KIF20B: variants seen among roughly 807,000 people sequenced by gnomAD.
KIF20B encodes the protein kinesin family member 20B, also known as kinesin-like protein KIF20B.
Under a neutral mutation model 232.5 loss-of-function variants are expected in KIF20B, and 188 were observed. The ratio of observed to expected loss-of-function variants is 0.81; its 90% CI spans 0.72 to 0.91. The LOEUF is 0.91. KIF20B is among the 40% of genes least tolerant of loss of function. The pLI, the probability that KIF20B is intolerant of heterozygous loss-of-function variation, is 0.00. For missense variants in KIF20B, 2,154 were observed against 2,055.9 expected, an observed-to-expected ratio of 1.05 and a Z score of -0.92; for synonymous variants, 712 against 683.0, an observed-to-expected ratio of 1.04 and a Z score of -0.66.
chr10:89,741,856 A>C (rs546489007), intron 21 of KIF20B, among the ~76,000 whole-genome samples: 1 of 152,170 alleles, frequency 6.6e-6, no homozygotes. Context: ...AGTGCTACCT[A>C]TTAATCACTT....
chr10:89,765,806 C>T (rs557702265), intron 29 of KIF20B, among the ~76,000 whole-genome samples: 1 of 152,222 alleles, frequency 6.6e-6, no homozygotes, highest in South Asian at 2.1e-4. Context: ...AAATTCTTTT[C>T]TTTAAGAATG....
At position 89,709,388 on chromosome 10, in the gene KIF20B, A is replaced by G. The variant is rs200362702; in HGVS notation, c.278A>G (p.Glu93Gly). 124 of 1,613,522 alleles carry G rather than the reference A, an allele frequency of 7.7e-5. No individual in the cohort carries two copies. The Admixed American group carries it at 2.1e-3, about 27-fold the overall frequency. ...ILDSQTVVLK[E>G]PQCILGRLSE... is the part of the protein sequence containing the mutation. ...GATTCACAGACTGTTGTGCTGAAAG[A>G]GCCTCAATGCATCCTTGGTCGGTTA... is the stretch of plus-strand genomic sequence containing the variant. The change falls in exon 4 of 33, where the codon GAG becomes GGG. Residue 93 changes from glutamate to glycine, a missense_variant. Coordinates refer to ENST00000371728, the MANE Select transcript of KIF20B (RefSeq NM_001284259.2).
At chr10:89,733,226 A>G in intron 19 of KIF20B, 170 bp downstream of exon 19, 1 of 600,734 alleles carries the variant, frequency 1.7e-6, no homozygotes, top group Non-Finnish European at 2.9e-6. Context: ...GGATGGGCAT[A>G]GTTAAAGCTT....
At position 89,738,224 on chromosome 10, in the gene KIF20B, T is replaced by G. The variant is rs1046481107; in HGVS notation, c.3383T>G (p.Leu1128Trp). The change falls in exon 20 of 33, where the codon TTG (leucine) becomes TGG (tryptophan). Residue 1128 changes from leucine to tryptophan, a missense_variant. Transcript: ENST00000371728. ...CTTATACAGCAGCTGAAAGAAGAATTGCAAGAAAAAAATGTTACTCTTGAT... is the reference window on the plus strand; with the variant it reads ...CTTATACAGCAGCTGAAAGAAGAATGGCAAGAAAAAAATGTTACTCTTGAT... ...ETLIQQLKEE[L>W]QEKNVTLDVQ... 21 of 1,600,940 alleles carry G rather than the reference T, an allele frequency of 1.3e-5. No individual in the cohort carries two copies. The highest frequency in any genetic ancestry group is 1.7e-5 in the Non-Finnish European group (20 of 1,177,216).
intron 19 of KIF20B, among the ~76,000 whole-genome samples, chr10:89,734,483 T>A (rs1285264763): frequency 6.6e-6 from 1 of 152,216 alleles, no homozygotes; most frequent in Admixed American, 6.5e-5. Flanking sequence ...ATAAGTTTTT[T>A]CTTCTCCACA....
rs985243153 is a variant in KIF20B at position 89,717,466 on chromosome 10, T to G, written c.1095T>G (p.Ser365=). 5.6e-6 allele frequency: 9 copies of G among 1,597,212 alleles called. No individual in the cohort carries two copies. The highest frequency in any genetic ancestry group is 7.7e-6 in the Non-Finnish European group (9 of 1,167,228). The change falls in exon 10 of 33, where the codon TCT becomes TCG. Residue 365 remains serine (S), a synonymous_variant. Coordinates refer to ENST00000371728, the MANE Select transcript of KIF20B (RefSeq NM_001284259.2). ...TTAAAATATTACAGATTGAAGATTC[T>G]GAAATGTCTCGTGTAATTCGAGTCA... ...FTVKILQIED[S]EMSRVIRVSE...
At chr10:89,736,781 T>C (rs1841663227) in intron 19 of KIF20B, among the ~76,000 whole-genome samples, 1 of 152,140 alleles carries the variant, frequency 6.6e-6, no homozygotes, top group East Asian at 1.9e-4. Context: ...AACTTTGAGA[T>C]AGGTGGTATT....
chr10:89,753,370 A>G (rs1261246242), intron 25 of KIF20B, among the ~76,000 whole-genome samples: 3 of 152,238 alleles, frequency 2.0e-5, no homozygotes, highest in African/African-American at 7.2e-5. Flanking sequence ...CTGAAAACAA[A>G]TACAAAAACT....
chr10:89,720,393 A>AT (rs1326501699), intron 13 of KIF20B, among the ~76,000 whole-genome samples: 3 of 152,102 alleles, frequency 2.0e-5, no homozygotes, highest in African/African-American at 7.2e-5. Context: ...ATGATGTCTG[A>AT]TTTTTCCATT....
chr10:89,771,894 A>G (rs1156832650), intron 31 of KIF20B, among the ~76,000 whole-genome samples: 3 of 151,936 alleles, frequency 2.0e-5, no homozygotes, highest in Non-Finnish European at 4.4e-5. Flanking sequence ...TATACTGTTG[A>G]AATAAGTGGT....
chr10:89,711,690 T>A (rs1842840399), intron 6 of KIF20B, among the ~76,000 whole-genome samples: 3 of 152,078 alleles, frequency 2.0e-5, no homozygotes, highest in Admixed American at 1.3e-4. Context: ...TTTTTTTTTT[T>A]AAACAAAAAA....
At chr10:89,745,577 T>A (rs77291744) in intron 22 of KIF20B, among the ~76,000 whole-genome samples, 25,505 of 150,558 alleles carry the variant, frequency 0.17, 2,608 homozygotes, top group Non-Finnish European at 0.24. Context: ...TGTTTTTTTT[T>A]AATTTTTTTA....
intron 7 of KIF20B, 71 bp from the exon 8 acceptor site, chr10:89,714,884 T>G (rs898334174): frequency 2.1e-5 from 19 of 926,006 alleles, no homozygotes; most frequent in Middle Eastern, 3.2e-4. Flanking sequence ...GAGAATCGAT[T>G]TGTACTTTTG....
intron 29 of KIF20B, among the ~76,000 whole-genome samples, chr10:89,766,695 C>T (rs1842368024): frequency 6.6e-6 from 1 of 152,044 alleles, no homozygotes; most frequent in African/African-American, 2.4e-5. Context: ...TATTTTCAAG[C>T]TGATGTAAGA....
chr10:89,707,216 C>T (rs1050072695), intron 2 of KIF20B, among the ~76,000 whole-genome samples: 12 of 152,068 alleles, frequency 7.9e-5, no homozygotes, highest in African/African-American at 2.2e-4. Flanking sequence ...ATTTTAGATA[C>T]GCAGTTTGAT....
Position 89,711,422 on chromosome 10 carries a change from T to A in KIF20B, c.675+277T>A, listed in dbSNP as rs1309835372. ...TTGTGCTTTTTATGTAATGATTTTTTAAAATTCTGTTTTTTAATTGTGAAA... is the reference window on the plus strand; with the variant it reads ...TTGTGCTTTTTATGTAATGATTTTTAAAAATTCTGTTTTTTAATTGTGAAA... On this transcript the variant is annotated intron_variant, in intron 6 of 32. Transcript: ENST00000371728. 2.0e-5 allele frequency among the ~76,000 whole-genome samples: 3 copies of A among 152,148 alleles called. No individual in the cohort carries two copies. In the East Asian group the frequency reaches 5.8e-4, roughly 29 times the overall value.
intron 23 of KIF20B, among the ~76,000 whole-genome samples, chr10:89,746,941 T>G (rs1317431737): frequency 6.6e-6 from 1 of 152,254 alleles, no homozygotes; most frequent in Non-Finnish European, 1.5e-5. Flanking sequence ...CATTGATTTC[T>G]TGTAATGGCC....
At chr10:89,755,235 TAA>T (rs1842096143) in intron 26 of KIF20B, among the ~76,000 whole-genome samples, 1 of 152,234 alleles carries the variant, frequency 6.6e-6, no homozygotes, top group Non-Finnish European at 1.5e-5. Flanking sequence ...ACAAATATTT[TAA>T]AATGAAAAAC....
At chr10:89,704,804 G>A (rs1031383941) in intron 1 of KIF20B, among the ~76,000 whole-genome samples, 1 of 152,046 alleles carries the variant, frequency 6.6e-6, no homozygotes, top group African/African-American at 2.4e-5. Flanking sequence ...TGATCGACCC[G>A]CCTTGGCCTC....
Sources: allele counts gnomAD v4.1 joint callset (sites outside exome capture counted in the v4.1 genomes callset), GRCh38; gene constraint gnomAD v4.1.1; transcripts MANE v1.5; gene names NCBI Gene and HGNC (gene_info 2026-07-23, HGNC 2026-07-21).